Variants in FER observed in about 807,000 individuals in gnomAD.
FER encodes the protein tyrosine-protein kinase Fer.
A neutral mutation model predicts 111.0 loss-of-function variants in FER; 63 were observed. The observed-to-expected ratio is 0.57, with a 90% CI of 0.46 to 0.70. The LOEUF is 0.70. Among genes scored for constraint, FER ranks in the 30% least tolerant of loss-of-function variants. The pLI, the probability that FER is intolerant of heterozygous loss-of-function variation, is 0.00. For synonymous variants in FER, 327 were observed against 313.9 expected, an observed-to-expected ratio of 1.04 and a Z score of -0.44; for missense variants, 914 against 954.0, an observed-to-expected ratio of 0.96 and a Z score of 0.55.
intron 17 of FER, among the ~76,000 whole-genome samples, chr5:109,169,901 A>C (rs372507784): frequency 9.2e-5 from 14 of 152,220 alleles, no homozygotes; most frequent in African/African-American, 3.1e-4. Flanking sequence ...CCTTGTACAA[A>C]GAAGAAAATC....
At chr5:109,131,235 A>C (rs997649476) in intron 17 of FER, among the ~76,000 whole-genome samples, 4 of 152,148 alleles carry the variant, frequency 2.6e-5, no homozygotes, top group Non-Finnish European at 5.9e-5. Flanking sequence ...CTGTTCATTT[A>C]TTTGAGCTTT....
At chr5:108,914,720 G>T (rs1402673780) in intron 10 of FER, among the ~76,000 whole-genome samples, 1 of 152,210 alleles carries the variant, frequency 6.6e-6, no homozygotes, top group Non-Finnish European at 1.5e-5. Flanking sequence ...TGATAGGCAG[G>T]CTAGTGAGGG....
intron 5 of FER, among the ~76,000 whole-genome samples, chr5:108,853,367 T>A (rs73780598): frequency 0.022 from 3,291 of 152,302 alleles, 111 homozygotes; most frequent in African/African-American, 0.076. Flanking sequence ...GCTTACATTT[T>A]AGAGCAGAAG....
chr5:108,834,001 A>C (rs1760337704), intron 4 of FER, among the ~76,000 whole-genome samples: 1 of 149,664 alleles, frequency 6.7e-6, no homozygotes, highest in Non-Finnish European at 1.5e-5. Flanking sequence ...GGTTGGTTTC[A>C]ATCAGGATCC....
chr5:109,005,124 G>C (rs1765331963), intron 13 of FER, among the ~76,000 whole-genome samples: 1 of 152,068 alleles, frequency 6.6e-6, no homozygotes, highest in Non-Finnish European at 1.5e-5. Flanking sequence ...AAATGGGGCT[G>C]CCCATGACGA....
intron 5 of FER, among the ~76,000 whole-genome samples, chr5:108,844,220 C>G (rs537583072): frequency 7.0e-6 from 1 of 141,988 alleles, no homozygotes; most frequent in South Asian, 2.2e-4. Context: ...TATATTGTAA[C>G]ATCATAACAT....
At chr5:109,015,130 A>G (rs181286993) in intron 13 of FER, among the ~76,000 whole-genome samples, 2 of 152,212 alleles carry the variant, frequency 1.3e-5, no homozygotes, top group Admixed American at 6.5e-5. Context: ...ATTTTTTTGT[A>G]TATGTATGAT....
At chr5:108,839,944 T>C (rs1483223864) in intron 5 of FER, among the ~76,000 whole-genome samples, 1 of 151,988 alleles carries the variant, frequency 6.6e-6, no homozygotes, top group African/African-American at 2.4e-5. Context: ...TTTACACAGG[T>C]TGAAAAAAAT....
At chr5:109,105,118 T>G (rs747408818) in intron 17 of FER, among the ~76,000 whole-genome samples, 2 of 152,092 alleles carry the variant, frequency 1.3e-5, no homozygotes, top group Non-Finnish European at 2.9e-5. Flanking sequence ...GAGAGTAATA[T>G]TATATTTCAT....
intron 5 of FER, among the ~76,000 whole-genome samples, chr5:108,857,822 A>G (rs573359243): frequency 5.3e-5 from 8 of 152,276 alleles, no homozygotes; most frequent in African/African-American, 1.2e-4. Context: ...ATGATATACT[A>G]TCATGCTCGG....
chr5:109,162,342 A>G (rs1216693422), intron 17 of FER, among the ~76,000 whole-genome samples: 1 of 152,116 alleles, frequency 6.6e-6, no homozygotes, highest in African/African-American at 2.4e-5. Flanking sequence ...TAGAAATGCC[A>G]TTTTTTCCAT....
At chr5:109,179,796 A>C (rs1197243331) in intron 17 of FER, among the ~76,000 whole-genome samples, 1 of 152,180 alleles carries the variant, frequency 6.6e-6, no homozygotes, top group African/African-American at 2.4e-5. Flanking sequence ...ATTTTATATC[A>C]GGGATTTGAG....
Position 109,169,919 on chromosome 5 carries a change from G to T in FER, c.2049-10828G>T, listed in dbSNP as rs575011089. On this transcript the variant is annotated intron_variant, in intron 17 of 19. Transcript: ENST00000281092. ...TGTACAAAGAAGAAAATCTTGCAAA[G>T]AGTTAACCACTGCAGAACATTCAGT... Among the ~76,000 whole-genome samples, 24 of 152,264 alleles carry T rather than the reference G, an allele frequency of 1.6e-4. No individual in the cohort carries two copies. The East Asian group carries it at 4.6e-3, about 29-fold the overall frequency.
chr5:109,012,070 C>T (rs1766347751), intron 13 of FER, among the ~76,000 whole-genome samples: 1 of 152,226 alleles, frequency 6.6e-6, no homozygotes, highest in Non-Finnish European at 1.5e-5. Flanking sequence ...GTAACCATCT[C>T]TTCTCTGCAT....
chr5:108,813,943 CAG>C (rs1487019287), intron 3 of FER, among the ~76,000 whole-genome samples: 2 of 152,122 alleles, frequency 1.3e-5, no homozygotes, highest in African/African-American at 4.8e-5. Context: ...AGAGAATAAA[CAG>C]AAATCAAGTA....
At chr5:108,955,859 A>G (rs1227326776) in intron 12 of FER, among the ~76,000 whole-genome samples, 1 of 151,820 alleles carries the variant, frequency 6.6e-6, no homozygotes, top group African/African-American at 2.4e-5. Flanking sequence ...ACATCTCTTA[A>G]TAAGTTTATA....
intron 16 of FER, among the ~76,000 whole-genome samples, chr5:109,096,321 A>G (rs1747505226): frequency 6.6e-6 from 1 of 152,078 alleles, no homozygotes; most frequent in African/African-American, 2.4e-5. Flanking sequence ...ACCTTCTGAT[A>G]CAGATATTAT....
chr5:108,924,360 C>CAAAAAAA (rs59469649), intron 10 of FER, among the ~76,000 whole-genome samples: 40 of 99,080 alleles, frequency 4.0e-4, no homozygotes, highest in African/African-American at 1.4e-3. Flanking sequence ...AACTCTGTCT[C>CAAAAAAA]AAAAAAAAAA....
chr5:109,153,011 T>C (rs1484792287), intron 17 of FER, among the ~76,000 whole-genome samples: 2 of 151,908 alleles, frequency 1.3e-5, no homozygotes, highest in Non-Finnish European at 2.9e-5. Flanking sequence ...GAAGATACCA[T>C]AGCTATATAC....
Sources: allele counts gnomAD v4.1 joint callset (sites outside exome capture counted in the v4.1 genomes callset), GRCh38; gene constraint gnomAD v4.1.1; transcripts MANE v1.5; gene names NCBI Gene and HGNC (gene_info 2026-07-23, HGNC 2026-07-21).